Variants in TBC1D1 observed in about 807,000 individuals in gnomAD.
The protein encoded by TBC1D1 is TBC1 (tre-2/USP6, BUB2, cdc16) domain family, member 1.
TBC1D1 carries 89 observed loss-of-function variants against 125.6 expected under a neutral mutation model. That is an observed-to-expected ratio of 0.71 (90% CI 0.60 to 0.85). The LOEUF is 0.85. Among genes scored for constraint, TBC1D1 ranks in the 40% least tolerant of loss-of-function variants. TBC1D1 has a pLI of 0.00. For missense variants in TBC1D1, 1,377 were observed against 1,469.2 expected (o/e 0.94, Z 1.03); for synonymous variants, 565 against 564.1 (o/e 1.00, Z -0.02).
Position 37,977,469 on chromosome 4 carries a change from C to T in TBC1D1, c.418-37040C>T, listed in dbSNP as rs913741690. ...GCCGGCGGCGGGAGTGAGCGGGAGCCGGCGGGCGAAGAGCCGCCGCCCGGC... is the reference window on the plus strand; with the variant it reads ...GCCGGCGGCGGGAGTGAGCGGGAGCTGGCGGGCGAAGAGCCGCCGCCCGGC... On this transcript the variant is annotated intron_variant, in intron 2 of 19. Coordinates refer to ENST00000261439, the MANE Select transcript of TBC1D1 (RefSeq NM_015173.4). This position sits in a 1 kb window ranked among gnomAD's most constrained non-coding sequence, Gnocchi z 4.3. 70 of 987,108 alleles carry T rather than the reference C, an allele frequency of 7.1e-5. No homozygotes were observed. The highest frequency in any genetic ancestry group is 6.5e-5 in the Non-Finnish European group (54 of 827,344). The allele number at this position is 987,108 out of a possible 1,614,324, so 61.1% of individuals were successfully genotyped here.
At chr4:38,102,931 A>T in intron 14 of TBC1D1, 68 bp from the exon 17 acceptor site, 4 of 1,478,864 alleles carry the variant, frequency 2.7e-6, no homozygotes, top group Non-Finnish European at 3.6e-6. Context: ...CATGAAACAC[A>T]ATTCATTTTT....
Position 37,902,466 on chromosome 4 carries a change from A to G in TBC1D1, c.371A>G (p.His124Arg), listed in dbSNP as rs1577758820. 4 of 1,613,634 alleles carry G rather than the reference A, an allele frequency of 2.5e-6. No homozygotes were observed. Among genetic ancestry groups the G allele is most frequent in the Non-Finnish European group, 3.4e-6 (4 of 1,179,702 alleles). The change falls in exon 2 of 20, where the codon CAC becomes CGC. Residue 124 changes from histidine to arginine, a missense_variant. This residue lies in a region of TBC1D1 where 822 missense variants were observed against 824.6 expected (regional missense o/e 1.00). Transcript: ENST00000261439. ...TGTCTGATTAAGGAAGACGCTGTCC[A>G]CCGGCAGAGTATCTGCTATGTGTTC...
chr4:37,954,467 A>G (rs1728516247), intron 2 of TBC1D1, among the ~76,000 whole-genome samples: 1 of 152,168 alleles, frequency 6.6e-6, no homozygotes, highest in South Asian at 2.1e-4. Context: ...TCAAAGGTCT[A>G]CGTCTATTGT....
chr4:37,984,469 C>T (rs913786991), intron 2 of TBC1D1, among the ~76,000 whole-genome samples: 1 of 152,134 alleles, frequency 6.6e-6, no homozygotes, highest in African/African-American at 2.4e-5. Context: ...AGTGGTACCT[C>T]ATAGATGTTT....
Position 37,967,494 on chromosome 4 carries a change from C to CAA in TBC1D1, c.418-47002_418-47001dup, listed in dbSNP as rs1280950326. ...TGGGTGACAGAGTGAGACTCTGTCT[C>CAA]AAAAAAAAAAAAAAGATAAAAAAGA... On this transcript the variant is annotated intron_variant, in intron 2 of 19. Transcript: ENST00000261439. Among the ~76,000 whole-genome samples the CAA allele has an allele frequency of 6.7e-5, 6 of 89,906 alleles. No homozygotes were observed. The Admixed American group carries it at 7.1e-4, about 11-fold the overall frequency. The allele number at this position is 89,906 out of a possible 152,430, so 59.0% of individuals were successfully genotyped here. A position where few individuals can be genotyped will look rare whatever the true frequency, so the allele number is the denominator to read the frequency against.
intron 18 of TBC1D1, among the ~76,000 whole-genome samples, chr4:38,129,820 C>G (rs1262547002): frequency 6.6e-6 from 1 of 152,186 alleles, no homozygotes; most frequent in Non-Finnish European, 1.5e-5. Context: ...TAATGCTTTA[C>G]TCTACTAGAT....
intron 15 of TBC1D1, among the ~76,000 whole-genome samples, chr4:38,105,122 C>T (rs577660996): frequency 6.6e-6 from 1 of 152,232 alleles, no homozygotes; most frequent in South Asian, 2.1e-4. Flanking sequence ...GGTCTCCTCT[C>T]CCACCTCAAG....
intron 2 of TBC1D1, among the ~76,000 whole-genome samples, chr4:37,938,411 G>C (rs1724838593): frequency 6.6e-6 from 1 of 152,176 alleles, no homozygotes; most frequent in Admixed American, 6.5e-5. Context: ...GCAGTGCCTA[G>C]GTGCGCCACA....
At chr4:38,125,919 T>C (rs1764557301) in intron 18 of TBC1D1, among the ~76,000 whole-genome samples, 3 of 152,228 alleles carry the variant, frequency 2.0e-5, no homozygotes, top group Admixed American at 1.3e-4. Flanking sequence ...GATTTCATCA[T>C]TGAGTCACTG....
chr4:38,049,442 C>T (rs1051580757), intron 10 of TBC1D1, among the ~76,000 whole-genome samples, 176 bp from the exon 11 acceptor site: 7 of 152,186 alleles, frequency 4.6e-5, no homozygotes, highest in African/African-American at 1.2e-4. Context: ...CCTTGAGGAG[C>T]GGGCATTTAT....
intron 16 of TBC1D1, among the ~76,000 whole-genome samples, chr4:38,117,465 A>G (rs1407279765): frequency 6.6e-6 from 1 of 152,164 alleles, no homozygotes; most frequent in Admixed American, 6.5e-5. Flanking sequence ...TCATCTTAAG[A>G]TGCACACTTG....
chr4:38,118,421 A>G (rs779852271), intron 17 of TBC1D1: 3 of 558,910 alleles, frequency 5.4e-6, no homozygotes, highest in Non-Finnish European at 9.5e-6. Context: ...TGGGATGTGG[A>G]TCCGATCCGT....
rs1183266451 is a variant in TBC1D1 at position 37,995,003 on chromosome 4, A to AT, written c.418-19499dup. On this transcript the variant is annotated intron_variant, in intron 2 of 19. Transcript: ENST00000261439. This position sits in a 1 kb window ranked among gnomAD's most constrained non-coding sequence, Gnocchi z 4.3. ...GTATCACCATGTTCTTGATGTTGGC[A>AT]TTTTTTTGGTTTTGTTTTGTGGGTA... 2.6e-5 allele frequency among the ~76,000 whole-genome samples: 4 copies of AT among 151,732 alleles called. No homozygotes were observed. Among genetic ancestry groups the AT allele is most frequent in the African/African-American group, 7.3e-5 (3 of 41,290 alleles).
intron 7 of TBC1D1, 44 bp downstream of exon 7, chr4:38,027,923 C>A: frequency 7.1e-7 from 1 of 1,417,772 alleles, no homozygotes; most frequent in Non-Finnish European, 9.8e-7. Flanking sequence ...AAAAGGCAGG[C>A]AGCTTACCTG....
At chr4:37,962,364 A>G (rs1730224553) in intron 2 of TBC1D1, among the ~76,000 whole-genome samples, 1 of 152,242 alleles carries the variant, frequency 6.6e-6, no homozygotes, top group Non-Finnish European at 1.5e-5. Flanking sequence ...TTCAAGAACC[A>G]TAGGTGTATC....
chr4:38,033,449 C>T (rs191553228), intron 7 of TBC1D1, among the ~76,000 whole-genome samples: 1 of 152,082 alleles, frequency 6.6e-6, no homozygotes, highest in African/African-American at 2.4e-5. Flanking sequence ...TACAGAGTTC[C>T]CGTATTAGCT....
intron 2 of TBC1D1, among the ~76,000 whole-genome samples, chr4:38,006,577 C>T (rs931772806): frequency 6.9e-6 from 1 of 145,032 alleles, no homozygotes; most frequent in Non-Finnish European, 1.5e-5. Context: ...CTTCCGGGTT[C>T]AAGCGATGCT....
At chr4:38,006,220 T>A (rs868435440) in intron 2 of TBC1D1, among the ~76,000 whole-genome samples, 13 of 152,176 alleles carry the variant, frequency 8.5e-5, no homozygotes, top group African/African-American at 2.2e-4. Flanking sequence ...CTTTTTTTTT[T>A]ATGTATTCAT....
chr4:37,996,535 G>A (rs1025464300), intron 2 of TBC1D1, among the ~76,000 whole-genome samples: 3 of 152,206 alleles, frequency 2.0e-5, no homozygotes, highest in Admixed American at 2.0e-4. Context: ...AGGAAAACCT[G>A]TTTCTACCGC....
Sources: allele counts gnomAD v4.1 joint callset (sites outside exome capture counted in the v4.1 genomes callset), GRCh38; gene constraint gnomAD v4.1.1; regional missense constraint gnomAD v4.1.1; non-coding constraint Gnocchi (gnomAD v3.1); transcripts MANE v1.5; gene names NCBI Gene and HGNC (gene_info 2026-07-23, HGNC 2026-07-21).